KRT35: variants seen among roughly 807,000 people sequenced by gnomAD.
KRT35 encodes the protein keratin 35.
In KRT35, 33 loss-of-function variants were observed where a neutral mutation model predicts 42.2. The ratio of observed to expected loss-of-function variants is 0.78; its 90% CI spans 0.59 to 1.05. The LOEUF is 1.05. Ranked by LOEUF, KRT35 falls within the 50% of genes least tolerant of loss-of-function variation. The probability of loss-of-function intolerance (pLI) is 0.00; values close to 1 mark genes in which losing one functional copy is unlikely to be tolerated. For synonymous variants in KRT35, 218 were observed against 238.2 expected (o/e 0.92, Z 0.78); for missense variants, 585 against 589.2 (o/e 0.99, Z 0.07).
chr17:41,477,877 G>C (rs1385114995), intron 5 of KRT35, 139 bp from the exon 6 acceptor site: 5 of 1,248,234 alleles, frequency 4.0e-6, no homozygotes, highest in African/African-American at 1.5e-5. Context: ...GAGGTCAAGA[G>C]TTGTGTAGGG....
chr17:41,477,985 G>A (rs985088241), intron 5 of KRT35, among the ~76,000 whole-genome samples: 12 of 152,238 alleles, frequency 7.9e-5, no homozygotes, highest in Non-Finnish European at 1.8e-4. Context: ...ATCAGAGTTT[G>A]AGCTAGGATG....
At position 41,476,959 on chromosome 17, in the gene KRT35, C is replaced by G; in HGVS notation, c.*97G>C. 1 of 1,236,784 alleles carries G rather than the reference C, an allele frequency of 8.1e-7. No homozygotes were observed. Among genetic ancestry groups the G allele is most frequent in the Non-Finnish European group, 1.1e-6 (1 of 894,460 alleles). 76.6% of individuals were successfully genotyped at this position (1,236,784 alleles called of 1,614,324 possible). On this transcript the variant is annotated 3_prime_UTR_variant, in exon 7 of 7. Coordinates refer to ENST00000246639, the MANE Select transcript of KRT35 (RefSeq NM_002280.6). ...AGCCAGACCCTGGGCCTGGGCTCTG[C>G]GCGAAGAGAGGGGATTGGGCTACAA... is the stretch of plus-strand genomic sequence containing the variant.
rs73311232 is a variant in KRT35 at position 41,478,748 on chromosome 17, T to C, written c.873+86A>G. On this transcript the variant is annotated intron_variant, in intron 4 of 6. Transcript: ENST00000246639. ...GTCAAAACAGAGATGGGACTCAAAG[T>C]TAGATTTCTTGATTCAGAGCCCCAG... 6.1e-3 allele frequency: 8,257 copies of C among 1,364,064 alleles called. 373 individuals are homozygous for C. In the African/African-American group the frequency reaches 0.1, roughly 17 times the overall value. 84.5% of individuals were successfully genotyped at this position (1,364,064 alleles called of 1,614,324 possible). A position where few individuals can be genotyped will look rare whatever the true frequency, so the allele number is the denominator to read the frequency against.
chr17:41,479,328 C>T lies in KRT35; in HGVS notation c.711+19G>A. The T allele has an allele frequency of 6.2e-7, 1 of 1,610,778 alleles. No homozygotes were observed. The highest frequency in any genetic ancestry group is 1.3e-5 in the African/African-American group (1 of 74,600). ...ATGCTCACCTGCTGTGCCGTGTTCA[C>T]CTTTTCCCCCATGCTCACCTCCTCA... On this transcript the variant is annotated intron_variant, in intron 3 of 6. Transcript: ENST00000246639.
At chr17:41,478,558 T>C in intron 4 of KRT35, 72 bp from the exon 5 acceptor site, 1 of 1,542,052 alleles carries the variant, frequency 6.5e-7, no homozygotes. Context: ...AGAGGCCGGT[T>C]AGAATCATGA....
chr17:41,480,599 G>A (rs763279813), intron 1 of KRT35, 28 bp downstream of exon 1: 4 of 1,564,108 alleles, frequency 2.6e-6, no homozygotes, highest in Non-Finnish European at 3.5e-6. Context: ...AAGTTCCTGG[G>A]AATCCAAAGC....
At position 41,478,875 on chromosome 17, in the gene KRT35, C is replaced by T. The variant is rs773660862; in HGVS notation, c.832G>A (p.Glu278Lys). The T allele has an allele frequency of 6.2e-7, 1 of 1,614,008 alleles. No individual in the cohort carries two copies. Among genetic ancestry groups the T allele is most frequent in the Non-Finnish European group, 8.5e-7 (1 of 1,179,956 alleles). The stretch of plus-strand genomic sequence containing the variant: ...TCTTCAGCATCCCGGCGGTTATTCT[C>T]CACCAGGGTTTCATACTGGCACCTC... ...EMRCQYETLVENNRRDAEDWL... is the reference protein window; with the variant it reads ...EMRCQYETLVKNNRRDAEDWL... The change falls in exon 4 of 7, where the codon GAG (glutamate) becomes AAG (lysine). Residue 278 changes from glutamate (E) to lysine (K), a missense_variant. Coordinates refer to ENST00000246639, the MANE Select transcript of KRT35 (RefSeq NM_002280.6).
rs2019248890 is a variant in KRT35, at chr17:41,481,106, C to A, written c.-9G>T. On this transcript the variant is annotated 5_prime_UTR_variant, in exon 1 of 7. Transcript: ENST00000246639. ...AGGCATTTGGAAGCCATGGCCCCTG[C>A]AACTCAGATGCAATTGATAGGTCTC... is the stretch of plus-strand genomic sequence containing the variant. The A allele has an allele frequency of 3.8e-6, 6 of 1,586,762 alleles. No individual in the cohort carries two copies. Among genetic ancestry groups the A allele is most frequent in the Middle Eastern group, 1.9e-4 (1 of 5,370 alleles).
rs761072193 is a variant in KRT35 at position 41,477,159 on chromosome 17, G to GA, written c.1264dup (p.Ser422PhefsTer14). ...GGCCGCAGGAAGACAGGGAAGGCAT[G>GA]ACTTGGAGGGTGAGTAGTCAGGTGC... On this transcript the variant is annotated frameshift_variant, in exon 7 of 7. Coordinates refer to ENST00000246639, the MANE Select transcript of KRT35 (RefSeq NM_002280.6). LOFTEE classifies it high-confidence loss of function. 1 of 1,613,826 alleles carries GA rather than the reference G, an allele frequency of 6.2e-7. No individual in the cohort carries two copies. Among genetic ancestry groups the GA allele is most frequent in the South Asian group, 1.1e-5 (1 of 91,032 alleles).
Position 41,479,335 on chromosome 17 carries a change from C to G in KRT35, c.711+12G>C. On this transcript the variant is annotated intron_variant, in intron 3 of 6. Transcript: ENST00000246639. The stretch of plus-strand genomic sequence containing the variant: ...CCTGCTGTGCCGTGTTCACCTTTTC[C>G]CCCATGCTCACCTCCTCATGGTTCT... 6.2e-7 allele frequency: 1 copy of G among 1,612,896 alleles called. No individual in the cohort carries two copies. Among genetic ancestry groups the G allele is most frequent in the South Asian group, 1.1e-5 (1 of 90,974 alleles).
rs2011243 is a variant in KRT35, at chr17:41,479,792, G to A, written c.472-11C>T. ...CTTGCTGCATAGAGTCTGGAGATATGAAGAAGTTATTTCATTGCAAGAAAG... is the reference window on the plus strand; with the variant it reads ...CTTGCTGCATAGAGTCTGGAGATATAAAGAAGTTATTTCATTGCAAGAAAG... On this transcript the variant is annotated splice_polypyrimidine_tract_variant and intron_variant, in intron 1 of 6. Transcript: ENST00000246639. The A allele has an allele frequency of 0.92, 1,484,308 of 1,609,006 alleles. 685,057 individuals are homozygous for A. The highest frequency in any genetic ancestry group is 0.97 in the South Asian group (87,898 of 90,938).
rs759678414 is a variant in KRT35 at position 41,477,758 on chromosome 17, G to A, written c.1000-20C>T. On this transcript the variant is annotated intron_variant, in intron 5 of 6. Transcript: ENST00000246639. ...ATCTCTCTGTGAGGGCAAGAGTTGT[G>A]TAGGGAGGAAAAAGGCTAGAGGTCA... 6.2e-7 allele frequency: 1 copy of A among 1,606,914 alleles called. No individual in the cohort carries two copies. Among genetic ancestry groups the A allele is most frequent in the Non-Finnish European group, 8.5e-7 (1 of 1,174,730 alleles).
Position 41,478,892 on chromosome 17 carries a change from T to A in KRT35, c.815A>T (p.Gln272Leu). The A allele has an allele frequency of 1.2e-6, 2 of 1,614,056 alleles. No individual in the cohort carries two copies. Among genetic ancestry groups the A allele is most frequent in the Non-Finnish European group, 1.7e-6 (2 of 1,179,972 alleles). Reference sequence around the variant, plus strand: ...GTTATTCTCCACCAGGGTTTCATACTGGCACCTCATCTCCTCCAGAACTCG... The same window carrying A: ...GTTATTCTCCACCAGGGTTTCATACAGGCACCTCATCTCCTCCAGAACTCG... ...LNRVLEEMRC[Q>L]YETLVENNRR... Residue 272 changes from glutamine to leucine, a missense_variant, in exon 4 of 7, where the codon CAG (glutamine) becomes CTG (leucine). By Grantham distance (113) the Gln-to-Leu change is moderately radical. Transcript: ENST00000246639.
In KRT35 at chr17:41,481,031, C is replaced by G. The variant is rs770754537; in HGVS notation, c.67G>C (p.Gly23Arg). ...GSLKSPGGAS[G>R]GSTRVSAMYS... ...ATTGCGGACACACGAGTGGAGCCCC[C>G]ACTGGCCCCTCCTGGGCTCTTGAGA... is the stretch of plus-strand genomic sequence containing the variant. The change falls in exon 1 of 7, where the codon GGG (glycine) becomes CGG (arginine). Residue 23 changes from glycine (G) to arginine (R), a missense_variant. Gly to Arg is a moderately radical substitution (Grantham distance 125). Coordinates refer to ENST00000246639, the MANE Select transcript of KRT35 (RefSeq NM_002280.6). 1 of 1,613,840 alleles carries G rather than the reference C, an allele frequency of 6.2e-7. No individual in the cohort carries two copies. Among genetic ancestry groups the G allele is most frequent in the South Asian group, 1.1e-5 (1 of 91,082 alleles).
intron 3 of KRT35, 82 bp downstream of exon 3, chr17:41,479,265 C>CGATGCT: frequency 7.5e-7 from 1 of 1,330,704 alleles, no homozygotes; most frequent in Admixed American, 2.4e-5. Flanking sequence ...CACCTCATCC[C>CGATGCT]CAATGCTCAC....
chr17:41,478,739 G>T lies in KRT35; in HGVS notation c.873+95C>A, dbSNP rs1567706344. On this transcript the variant is annotated intron_variant, in intron 4 of 6. Transcript: ENST00000246639. ...GTCAGCAAGGTCAAAACAGAGATGGGACTCAAAGTTAGATTTCTTGATTCA... is the reference window on the plus strand; with the variant it reads ...GTCAGCAAGGTCAAAACAGAGATGGTACTCAAAGTTAGATTTCTTGATTCA... 3.1e-6 allele frequency: 4 copies of T among 1,306,132 alleles called. No individual in the cohort carries two copies. In the East Asian group the frequency reaches 7.0e-5, roughly 23 times the overall value. 80.9% of individuals were successfully genotyped at this position (1,306,132 alleles called of 1,614,324 possible).
chr17:41,478,550 A>T lies in KRT35; in HGVS notation c.874-64T>A, dbSNP rs2019212221. 1.9e-6 allele frequency: 3 copies of T among 1,568,236 alleles called. No homozygotes were observed. The Admixed American group carries it at 5.3e-5, about 28-fold the overall frequency. Reference sequence around the variant, plus strand: ...GGGACTTGGCTTCAGAGAGCTACAGAGGCCGGTTAGAATCATGAGCCAAGA... The same window carrying T: ...GGGACTTGGCTTCAGAGAGCTACAGTGGCCGGTTAGAATCATGAGCCAAGA... On this transcript the variant is annotated intron_variant, in intron 4 of 6. Coordinates refer to ENST00000246639, the MANE Select transcript of KRT35 (RefSeq NM_002280.6).
At position 41,479,615 on chromosome 17, in the gene KRT35, G is replaced by A. The variant is rs951874103; in HGVS notation, c.554+84C>T. On this transcript the variant is annotated intron_variant, in intron 2 of 6. Coordinates refer to ENST00000246639, the MANE Select transcript of KRT35 (RefSeq NM_002280.6). ...GTCCTGCTTTTATGCCCCAATGACA[G>A]AGTACAGCCAAAACCCTGAGCTCAG... is the stretch of plus-strand genomic sequence containing the variant. The A allele has an allele frequency of 3.2e-6, 5 of 1,564,034 alleles. No homozygotes were observed. In the Admixed American group the frequency reaches 8.4e-5, roughly 26 times the overall value.
rs771765745 is a variant in KRT35, at chr17:41,479,404, C to T, written c.654G>A (p.Glu218=). The T allele has an allele frequency of 1.9e-6, 3 of 1,614,166 alleles. No individual in the cohort carries two copies. The South Asian group carries it at 3.3e-5, about 18-fold the overall frequency. ...CCTCCTTCAGGGACTCCACCTGGGC[C>T]TCCAGGTCAGACTTGCACAGGGTCA... ...DDLTLCKSDL[E]AQVESLKEEL... Residue 218 remains glutamate, a synonymous_variant, in exon 3 of 7, where the codon GAG becomes GAA. Coordinates refer to ENST00000246639, the MANE Select transcript of KRT35 (RefSeq NM_002280.6).
Sources: gnomAD v4.1 joint callset for allele counts (sites outside exome capture counted in the v4.1 genomes callset) on GRCh38, gnomAD v4.1.1 for gene constraint, MANE v1.5 for transcripts, NCBI Gene and HGNC (gene_info 2026-07-23, HGNC 2026-07-21) for gene names.